The following KAZN variants were observed in gnomAD, a reference collection of about 807,000 sequenced individuals.
The protein encoded by KAZN is kazrin.
A neutral mutation model predicts 87.4 loss-of-function variants in KAZN; 40 were observed. That is an observed-to-expected ratio of 0.46 (90% CI 0.36 to 0.60). KAZN has a LOEUF of 0.60. Among genes scored for constraint, KAZN ranks in the 20% least tolerant of loss-of-function variants. The probability of loss-of-function intolerance (pLI) is 0.00; values close to 1 mark genes in which losing one functional copy is unlikely to be tolerated. For synonymous variants in KAZN, 466 were observed against 458.3 expected, an observed-to-expected ratio of 1.02 and a Z score of -0.22; for missense variants, 898 against 1,073.9, an observed-to-expected ratio of 0.84 and a Z score of 2.29.
chr1:14,025,804 C>G (rs1570557397), intron 1 of KAZN, among the ~76,000 whole-genome samples: 1 of 152,102 alleles, frequency 6.6e-6, no homozygotes, highest in African/African-American at 2.4e-5. Flanking sequence ...CCAGATCTTT[C>G]TAAAATTTGG....
At chr1:14,495,692 C>T (rs75389692) in intron 2 of KAZN, among the ~76,000 whole-genome samples, 4,660 of 152,156 alleles carry the variant, frequency 0.031, 190 homozygotes, top group East Asian at 0.16. Context: ...TTAGAAGTAG[C>T]CTCGGGAAAT....
chr1:14,681,187 G>T (rs1640547543), intron 1 of KAZN, among the ~76,000 whole-genome samples: 1 of 152,204 alleles, frequency 6.6e-6, no homozygotes, highest in South Asian at 2.1e-4. Flanking sequence ...AACACTGGGG[G>T]TTACATCGCA....
chr1:13,955,481 G>T (rs940057835), intron 1 of KAZN, among the ~76,000 whole-genome samples: 1 of 151,516 alleles, frequency 6.6e-6, no homozygotes, highest in Non-Finnish European at 1.5e-5. Context: ...TGGTCTTTTG[G>T]GATTGTGATT....
At chr1:14,252,226 C>G (rs1571146118) in intron 2 of KAZN, among the ~76,000 whole-genome samples, 1 of 152,176 alleles carries the variant, frequency 6.6e-6, no homozygotes, top group Non-Finnish European at 1.5e-5. Context: ...CATTTGGTTT[C>G]TGTTTTGGTC....
intron 1 of KAZN, among the ~76,000 whole-genome samples, chr1:14,726,915 G>A (rs1009782477): frequency 1.3e-5 from 2 of 152,124 alleles, no homozygotes; most frequent in Admixed American, 1.3e-4. Flanking sequence ...GCCCTGTTAG[G>A]TACAAAGAGG....
chr1:15,092,720 C>G (rs368096648), intron 8 of KAZN, among the ~76,000 whole-genome samples: 1 of 152,078 alleles, frequency 6.6e-6, no homozygotes, highest in Non-Finnish European at 1.5e-5. Flanking sequence ...AGCATTCTGC[C>G]CACCTTGTCC....
rs1671941305 is a variant in KAZN at position 15,033,470 on chromosome 1, G to A, written c.419-1279G>A. Among the ~76,000 whole-genome samples, 5 of 152,320 alleles carry A rather than the reference G, an allele frequency of 3.3e-5. No individual in the cohort carries two copies. In the South Asian group the frequency reaches 1.0e-3, roughly 32 times the overall value. On this transcript the variant is annotated intron_variant, in intron 2 of 14. Transcript: ENST00000376030. ...TCGCAGGGTCGTATGGTAAGTTGATGCTTAATCTTTGGAGGAGCTATCAGA... is the reference window on the plus strand; with the variant it reads ...TCGCAGGGTCGTATGGTAAGTTGATACTTAATCTTTGGAGGAGCTATCAGA...
rs1553138238 is a variant in KAZN at position 14,820,141 on chromosome 1, C to CCCAAATATGCAGATT, written c.227-140541_227-140527dup. Among the ~76,000 whole-genome samples the CCCAAATATGCAGATT allele has an allele frequency of 6.6e-6, 1 of 152,212 alleles. No individual in the cohort carries two copies. The highest frequency in any genetic ancestry group is 1.5e-5 in the Non-Finnish European group (1 of 68,048). On this transcript the variant is annotated intron_variant, in intron 1 of 14. Transcript: ENST00000376030. This position sits in a 1 kb window ranked among gnomAD's most constrained non-coding sequence, Gnocchi z 4.1. ...ATGAAAACAGTTTCCTGGGGCCCTT[C>CCCAAATATGCAGATT]CCAAATATGCAGATTCAGTAGGAGT... is the stretch of plus-strand genomic sequence containing the variant.
chr1:14,472,614 G>A (rs1372607736), intron 2 of KAZN, among the ~76,000 whole-genome samples: 1 of 151,212 alleles, frequency 6.6e-6, no homozygotes, highest in African/African-American at 2.4e-5. Flanking sequence ...ATATTAATGA[G>A]CATCAGTAAT....
At chr1:14,670,306 T>C (rs886195170) in intron 1 of KAZN, among the ~76,000 whole-genome samples, 1 of 152,160 alleles carries the variant, frequency 6.6e-6, no homozygotes, top group African/African-American at 2.4e-5. Flanking sequence ...GCAGGGGTAT[T>C]CAAGCCTGAG....
chr1:14,171,606 G>A (rs1412196840), intron 1 of KAZN, among the ~76,000 whole-genome samples: 6 of 152,088 alleles, frequency 3.9e-5, no homozygotes, highest in African/African-American at 1.2e-4. Context: ...TGAGATACAC[G>A]AAAGCAAAGG....
chr1:14,309,257 A>T (rs1655127523), intron 2 of KAZN, among the ~76,000 whole-genome samples: 3 of 152,252 alleles, frequency 2.0e-5, no homozygotes, highest in Admixed American at 6.5e-5. Flanking sequence ...GATGCCACCC[A>T]TTTATCTAAA....
At chr1:15,064,895 C>T (rs1639100334) in intron 7 of KAZN, among the ~76,000 whole-genome samples, 2 of 152,184 alleles carry the variant, frequency 1.3e-5, no homozygotes, top group African/African-American at 4.8e-5. Context: ...CTCCTACAAG[C>T]CCTCAACAAG....
chr1:14,802,390 CA>C (rs1232984907), intron 1 of KAZN, among the ~76,000 whole-genome samples: 13 of 124,890 alleles, frequency 1.0e-4, no homozygotes, highest in African/African-American at 4.1e-4. Context: ...GGTGACAGAG[CA>C]AAACTCTTGT....
At chr1:14,400,932 A>G (rs1663349436) in intron 2 of KAZN, among the ~76,000 whole-genome samples, 1 of 152,258 alleles carries the variant, frequency 6.6e-6, no homozygotes, top group African/African-American at 2.4e-5. Context: ...AACAACAGCA[A>G]TGATGTTATA....
intron 1 of KAZN, among the ~76,000 whole-genome samples, chr1:14,057,447 T>C (rs967056561): frequency 4.6e-5 from 7 of 152,204 alleles, no homozygotes; most frequent in African/African-American, 1.7e-4. Context: ...TTAGCATTTT[T>C]AGTAGTTTAT....
intron 2 of KAZN, among the ~76,000 whole-genome samples, chr1:14,191,962 A>T (rs1646428064): frequency 6.6e-6 from 1 of 152,116 alleles, no homozygotes; most frequent in Non-Finnish European, 1.5e-5. Flanking sequence ...TGGCTGTCTC[A>T]TTGGCCACCA....
At chr1:14,418,919 G>C (rs1665089298) in intron 2 of KAZN, among the ~76,000 whole-genome samples, 1 of 152,184 alleles carries the variant, frequency 6.6e-6, no homozygotes, top group African/African-American at 2.4e-5. Flanking sequence ...GGCTGGATGG[G>C]GGTTTGTGGG....
chr1:14,580,954 C>T (rs749859876), intron 2 of KAZN, among the ~76,000 whole-genome samples: 5 of 152,150 alleles, frequency 3.3e-5, no homozygotes, highest in South Asian at 2.1e-4. Flanking sequence ...TGCTCCTTCT[C>T]GGTCTTTTTT....
Sources: gnomAD v4.1 joint callset for allele counts (sites outside exome capture counted in the v4.1 genomes callset) on GRCh38, gnomAD v4.1.1 for gene constraint, Gnocchi (gnomAD v3.1) non-coding constraint, MANE v1.5 for transcripts, NCBI Gene and HGNC (gene_info 2026-07-23, HGNC 2026-07-21) for gene names.